Variants in LRP2 observed in about 807,000 individuals in gnomAD.
LRP2 encodes low-density lipoprotein receptor-related protein 2.
Under a neutral mutation model 531.0 loss-of-function variants are expected in LRP2, and 172 were observed. The observed-to-expected ratio is 0.32, with a 90% CI of 0.29 to 0.37. The LOEUF (loss-of-function observed/expected upper bound fraction) is 0.37, where lower values mean the gene tolerates loss of function less well. Ranked by LOEUF, LRP2 falls within the 10% of genes least tolerant of loss-of-function variation. The pLI, the probability that LRP2 is intolerant of heterozygous loss-of-function variation, is 1.00. For missense variants in LRP2, 5,167 were observed against 5,868.3 expected (o/e 0.88, Z 3.90); for synonymous variants, 1,992 against 2,027.6 (o/e 0.98, Z 0.47).
chr2:169,229,090 G>A (rs979156944), intron 31 of LRP2, among the ~76,000 whole-genome samples: 3 of 152,146 alleles, frequency 2.0e-5, no homozygotes, highest in Admixed American at 1.3e-4. Context: ...CTCAAGGAAC[G>A]CAGCATCTAG....
intron 48 of LRP2, 70 bp from the exon 49 acceptor site, chr2:169,188,335 T>C: frequency 1.4e-6 from 2 of 1,480,000 alleles, no homozygotes; most frequent in South Asian, 1.1e-5. Flanking sequence ...CCACTTGGGG[T>C]TTTGCTTCCT....
intron 3 of LRP2, among the ~76,000 whole-genome samples, chr2:169,310,587 G>A (rs1684566062): frequency 6.6e-6 from 1 of 152,186 alleles, no homozygotes. Context: ...TTGATGTGCT[G>A]CTGGATTGGG....
At chr2:169,316,485 T>C (rs1414984280) in intron 3 of LRP2, among the ~76,000 whole-genome samples, 1 of 152,216 alleles carries the variant, frequency 6.6e-6, no homozygotes, top group Non-Finnish European at 1.5e-5. Context: ...ACTGATTTTG[T>C]ATTTTCTGCC....
At chr2:169,326,991 T>C (rs1457022043) in intron 1 of LRP2, among the ~76,000 whole-genome samples, 2 of 146,778 alleles carry the variant, frequency 1.4e-5, no homozygotes, top group Non-Finnish European at 3.0e-5. Flanking sequence ...ATCCGCCCCA[T>C]CTGAGAAGTG....
intron 74 of LRP2, 91 bp from the exon 75 acceptor site, chr2:169,138,797 T>C: frequency 1.4e-6 from 2 of 1,416,806 alleles, no homozygotes; most frequent in Non-Finnish European, 2.0e-6. Context: ...TACCCTCTCC[T>C]CCACATTGCC....
chr2:169,326,101 A>C (rs1470941562), intron 1 of LRP2, among the ~76,000 whole-genome samples: 1 of 147,330 alleles, frequency 6.8e-6, no homozygotes, highest in Non-Finnish European at 1.5e-5. Flanking sequence ...GGAAGAAAAA[A>C]GAAAAATAAG....
At chr2:169,358,187 C>T (rs1686042368) in intron 1 of LRP2, among the ~76,000 whole-genome samples, 1 of 152,204 alleles carries the variant, frequency 6.6e-6, no homozygotes, top group African/African-American at 2.4e-5. Context: ...ACCAACCAAA[C>T]AGGCTGGGGA....
chr2:169,233,524 G>A lies in LRP2; in HGVS notation c.4985C>T (p.Thr1662Ile), dbSNP rs1689488951. 5.6e-6 allele frequency: 9 copies of A among 1,614,146 alleles called. No homozygotes were observed. Among genetic ancestry groups the A allele is most frequent in the Non-Finnish European group, 6.8e-6 (8 of 1,180,048 alleles). Residue 1662 changes from threonine to isoleucine, a missense_variant, in exon 30 of 79, where the codon ACT becomes ATT. Physicochemically the swap from Thr to Ile is moderately conservative, Grantham distance 89 (BLOSUM62 -1). Transcript: ENST00000649046. ...CTTGTTGGCTCGCATAACCCGACGA[G>A]TAGCACGGTCAGTCCAGTACACAGA... ...EDSVYWTDRATRRVMRANKWH... is the reference protein window; with the variant it reads ...EDSVYWTDRAIRRVMRANKWH...
At chr2:169,279,928 G>A (rs80314092) in intron 11 of LRP2, among the ~76,000 whole-genome samples, 1,714 of 152,158 alleles carry the variant, frequency 0.011, 30 homozygotes, top group African/African-American at 0.039. Context: ...ACAAAATACC[G>A]TCAATATTTG....
intron 7 of LRP2, among the ~76,000 whole-genome samples, chr2:169,292,033 A>G (rs1280348802): frequency 6.6e-6 from 1 of 152,168 alleles, no homozygotes; most frequent in African/African-American, 2.4e-5. Flanking sequence ...GGAGAGGATT[A>G]TAATTTAATC....
At chr2:169,267,561 A>G (rs1438835115) in intron 16 of LRP2, among the ~76,000 whole-genome samples, 8 of 152,196 alleles carry the variant, frequency 5.3e-5, no homozygotes, top group Non-Finnish European at 5.9e-5. Context: ...AACCAATGAG[A>G]CCAAAGACAC....
In LRP2 at chr2:169,128,637, A is replaced by C. The variant is rs750479719; in HGVS notation, c.*26T>G. On this transcript the variant is annotated 3_prime_UTR_variant, in exon 79 of 79. Coordinates refer to ENST00000649046, the MANE Select transcript of LRP2 (RefSeq NM_004525.3). ...AATATATGTGCAAAAGTGTGTTTCT[A>C]ATTATTCCCTAAATAGCTGGTATAG... 25 of 1,606,042 alleles carry C rather than the reference A, an allele frequency of 1.6e-5. No homozygotes were observed. Among genetic ancestry groups the C allele is most frequent in the African/African-American group, 4.0e-5 (3 of 74,742 alleles).
chr2:169,301,741 T>C (rs1275511245), intron 4 of LRP2, among the ~76,000 whole-genome samples: 4 of 152,104 alleles, frequency 2.6e-5, no homozygotes, highest in Admixed American at 2.0e-4. Context: ...CCTGCCTCCC[T>C]GAGAGGACTC....
At chr2:169,247,072 G>A (rs1159568368) in intron 20 of LRP2, 86 bp from the exon 21 acceptor site, 2 of 1,478,852 alleles carry the variant, frequency 1.4e-6, no homozygotes, top group Admixed American at 1.9e-5. Flanking sequence ...AAAACAAACA[G>A]GACAAAACAT....
At chr2:169,198,695 T>A (rs1688084574) in intron 45 of LRP2, 91 bp downstream of exon 45, 3 of 1,484,524 alleles carry the variant, frequency 2.0e-6, no homozygotes, top group South Asian at 2.3e-5. Flanking sequence ...ACAATTGAAA[T>A]CAGCCCGAAT....
rs890820382 is a variant in LRP2, at chr2:169,216,041, T to C, written c.5826+212A>G. Among the ~76,000 whole-genome samples the C allele has an allele frequency of 4.6e-5, 7 of 151,854 alleles. No homozygotes were observed. Among genetic ancestry groups the C allele is most frequent in the South Asian group, 2.1e-4 (1 of 4,828 alleles). On this transcript the variant is annotated intron_variant, in intron 35 of 78. Transcript: ENST00000649046. ...GGGGAAATTAATAAACATTACCCTA[T>C]AGGGAACTATGCACATACTATAAAG... is the stretch of plus-strand genomic sequence containing the variant.
Position 169,337,575 on chromosome 2 carries a change from A to G in LRP2, c.80-16691T>C, listed in dbSNP as rs1685439770. On this transcript the variant is annotated intron_variant, in intron 1 of 78. Transcript: ENST00000649046. Reference sequence around the variant, plus strand: ...GCCCTAAGGAAATATTGCAAAAACAATGACTCCAAAGGCCTCAAGAGAATC... The same window carrying G: ...GCCCTAAGGAAATATTGCAAAAACAGTGACTCCAAAGGCCTCAAGAGAATC... Among the ~76,000 whole-genome samples the G allele has an allele frequency of 2.6e-5, 4 of 152,212 alleles. No individual in the cohort carries two copies. In the South Asian group the frequency reaches 6.2e-4, roughly 24 times the overall value.
chr2:169,349,374 C>T, intron 1 of LRP2, among the ~76,000 whole-genome samples: 1 of 152,102 alleles, frequency 6.6e-6, no homozygotes, highest in Non-Finnish European at 1.5e-5. Context: ...CCCAAAAGTG[C>T]TCACCATGTC....
rs188511541 is a variant in LRP2 at position 169,189,641 on chromosome 2, T to C, written c.9033-1376A>G. 5.4e-4 allele frequency among the ~76,000 whole-genome samples: 82 copies of C among 152,164 alleles called. 1 individual carries two copies. Among genetic ancestry groups the C allele is most frequent in the Non-Finnish European group, 9.6e-4 (65 of 68,006 alleles). Reference sequence around the variant, plus strand: ...TGAGCCAAGAAAAAAAGAAGGTCAATAGGAAAAATGATCTCCTGTCCCACT... The same window carrying C: ...TGAGCCAAGAAAAAAAGAAGGTCAACAGGAAAAATGATCTCCTGTCCCACT... On this transcript the variant is annotated intron_variant, in intron 48 of 78. Transcript: ENST00000649046.
Sources: allele counts gnomAD v4.1 joint callset (sites outside exome capture counted in the v4.1 genomes callset), GRCh38; gene constraint gnomAD v4.1.1; transcripts MANE v1.5; gene names NCBI Gene and HGNC (gene_info 2026-07-23, HGNC 2026-07-21).